DNAH12: variants seen among roughly 807,000 people sequenced by gnomAD.
The protein encoded by DNAH12 is axonemal beta dynein heavy chain 12.
A neutral mutation model predicts 371.5 loss-of-function variants in DNAH12; 285 were observed. That is an observed-to-expected ratio of 0.77 (90% CI 0.70 to 0.85). The LOEUF is 0.85. DNAH12 is among the 40% of genes least tolerant of loss of function. DNAH12 has a pLI of 0.00. For synonymous variants in DNAH12, 1,200 were observed against 1,213.0 expected (o/e 0.99, Z 0.22); for missense variants, 3,611 against 3,689.4 (o/e 0.98, Z 0.55).
chr3:57,338,106 G>A (rs893512260), intron 60 of DNAH12, among the ~76,000 whole-genome samples: 5 of 152,244 alleles, frequency 3.3e-5, no homozygotes, highest in South Asian at 2.1e-4. Flanking sequence ...TCCCTGCCTC[G>A]GGCTCCCGTG....
At chr3:57,518,695 A>G (rs541962265) in intron 4 of DNAH12, among the ~76,000 whole-genome samples, 44 of 152,296 alleles carry the variant, frequency 2.9e-4, no homozygotes, top group African/African-American at 9.6e-4. Flanking sequence ...TAGTTGGGGA[A>G]GGGGAACAAG....
At chr3:57,296,545 T>C (rs776816235) in intron 71 of DNAH12, 110 bp from the exon 72 acceptor site, 22 of 856,134 alleles carry the variant, frequency 2.6e-5, no homozygotes, top group Admixed American at 2.0e-4. Context: ...TATTGTATAA[T>C]AGCTTGTTAA....
chr3:57,309,802 T>A lies in DNAH12; in HGVS notation c.10949A>T (p.Asp3650Val), dbSNP rs906947440. 1.0e-5 allele frequency: 16 copies of A among 1,551,262 alleles called. No individual in the cohort carries two copies. The highest frequency in any genetic ancestry group is 1.4e-5 in the Non-Finnish European group (16 of 1,146,846). Residue 3650 changes from aspartate (D) to valine (V), a missense_variant, in exon 68 of 74, where the codon GAC (aspartate) becomes GTC (valine). Transcript: ENST00000495027. ...PEIFGLHENV[D>V]ISKDLQQTKT... ...TGTTTGTTGAAGATCCTTGGAGATG[T>A]CAACGTTTTCATGTAATCCAAATAT...
chr3:57,457,619 TA>T, intron 22 of DNAH12, 101 bp downstream of exon 22: 1 of 1,271,108 alleles, frequency 7.9e-7, no homozygotes, highest in Non-Finnish European at 1.0e-6. Context: ...ATAAATGATT[TA>T]AAATAGTAAG....
At chr3:57,480,869 G>A (rs1416237950) in intron 13 of DNAH12, among the ~76,000 whole-genome samples, 4 of 152,186 alleles carry the variant, frequency 2.6e-5, no homozygotes, top group Admixed American at 6.5e-5. Context: ...AAATTCAACA[G>A]TGCTTCATGC....
At chr3:57,348,937 A>C (rs1018778936) in intron 60 of DNAH12, among the ~76,000 whole-genome samples, 1 of 152,222 alleles carries the variant, frequency 6.6e-6, no homozygotes, top group Non-Finnish European at 1.5e-5. Flanking sequence ...CTTGTGTAAA[A>C]GAACAACAAA....
chr3:57,446,455 C>T, intron 26 of DNAH12, 82 bp downstream of exon 26: 1 of 1,452,092 alleles, frequency 6.9e-7, no homozygotes, highest in Non-Finnish European at 9.1e-7. Flanking sequence ...CATGTTTAAA[C>T]ATGAGTTTGC....
chr3:57,536,638 A>G (rs753122947), intron 2 of DNAH12, among the ~76,000 whole-genome samples: 5 of 151,890 alleles, frequency 3.3e-5, no homozygotes, highest in Non-Finnish European at 5.9e-5. Flanking sequence ...TTCATCCATC[A>G]TTTCTCCCTA....
chr3:57,294,023 T>C lies in DNAH12; in HGVS notation c.11693-52A>G. ...ACTTGATAAAGGGAAAAACAGCCAT[T>C]GGTACGAAAAGAACTATTTATCTTG... On this transcript the variant is annotated intron_variant, in intron 73 of 73. Coordinates refer to ENST00000495027, the MANE Select transcript of DNAH12 (RefSeq NM_001366028.2). 2.9e-6 allele frequency: 4 copies of C among 1,387,860 alleles called. No homozygotes were observed. The South Asian group carries it at 5.1e-5, about 18-fold the overall frequency. 86.0% of individuals were successfully genotyped at this position (1,387,860 alleles called of 1,614,324 possible).
intron 62 of DNAH12, among the ~76,000 whole-genome samples, chr3:57,329,805 C>G (rs2062047731): frequency 6.9e-6 from 1 of 144,380 alleles, no homozygotes; most frequent in Non-Finnish European, 1.5e-5. Context: ...ATTTTCGCAA[C>G]CTACTTATCT....
chr3:57,323,024 T>C lies in DNAH12; in HGVS notation c.10366A>G (p.Ser3456Gly). The change falls in exon 64 of 74, where the codon AGC becomes GGC. Residue 3456 changes from serine (S) to glycine (G), a missense_variant. Ser to Gly is a moderately conservative substitution (Grantham distance 56). Around this residue, in one of 3 missense-constraint regions of DNAH12, gnomAD observed 2,266 missense variants for 2,236.9 expected, o/e 1.01. Coordinates refer to ENST00000495027, the MANE Select transcript of DNAH12 (RefSeq NM_001366028.2). ...AAACATACTTTTGAAGATGGATAGCTTGTCAGCCAAAGCCTAAAGGATGAG... is the reference window on the plus strand; with the variant it reads ...AAACATACTTTTGAAGATGGATAGCCTGTCAGCCAAAGCCTAAAGGATGAG... ...CNSSFRLWLT[S>G]YPSSKFPVTI... 6.4e-7 allele frequency: 1 copy of C among 1,552,124 alleles called. No individual in the cohort carries two copies. The highest frequency in any genetic ancestry group is 8.7e-7 in the Non-Finnish European group (1 of 1,147,090).
Position 57,411,212 on chromosome 3 carries a change from C to A in DNAH12, c.6020+2534G>T, listed in dbSNP as rs148294703. ...CACCTTTTTACATACCAGTAATAAA[C>A]AAGTGGAATTTGAAATTAAAAGTAC... is the stretch of plus-strand genomic sequence containing the variant. On this transcript the variant is annotated intron_variant, in intron 39 of 73. Transcript: ENST00000495027. Among the ~76,000 whole-genome samples the A allele has an allele frequency of 6.5e-3, 984 of 152,090 alleles. 13 individuals carry two copies. The highest frequency in any genetic ancestry group is 0.023 in the African/African-American group (941 of 41,510).
intron 64 of DNAH12, 84 bp from the exon 65 acceptor site, chr3:57,322,567 G>T: frequency 7.2e-7 from 1 of 1,382,424 alleles, no homozygotes; most frequent in Non-Finnish European, 9.6e-7. Flanking sequence ...TAAAAAACAG[G>T]CATAATGGAG....
chr3:57,535,491 T>A (rs2069001172), intron 2 of DNAH12, among the ~76,000 whole-genome samples: 1 of 152,214 alleles, frequency 6.6e-6, no homozygotes, highest in Admixed American at 6.5e-5. Context: ...AACTTCCCAG[T>A]CTCTAGAACT....
intron 62 of DNAH12, among the ~76,000 whole-genome samples, chr3:57,330,897 A>G (rs2062080192): frequency 6.6e-6 from 1 of 152,090 alleles, no homozygotes; most frequent in Non-Finnish European, 1.5e-5. Context: ...CAGAAAATCA[A>G]TCAATCAATC....
At chr3:57,321,113 A>G (rs1304142185) in intron 65 of DNAH12, among the ~76,000 whole-genome samples, 1 of 152,198 alleles carries the variant, frequency 6.6e-6, no homozygotes, top group Non-Finnish European at 1.5e-5. Context: ...TGAGCTTAGA[A>G]TCTTTCAAAA....
At chr3:57,466,591 C>T (rs1288270063) in intron 17 of DNAH12, among the ~76,000 whole-genome samples, 2 of 152,032 alleles carry the variant, frequency 1.3e-5, no homozygotes, top group Non-Finnish European at 2.9e-5. Flanking sequence ...ATGAGAGGAC[C>T]GAGGCACAAG....
At chr3:57,525,070 G>T (rs899767712) in intron 2 of DNAH12, among the ~76,000 whole-genome samples, 8 of 151,356 alleles carry the variant, frequency 5.3e-5, no homozygotes, top group South Asian at 2.1e-4. Context: ...AGAAAAAATT[G>T]TAGGGTGTCA....
chr3:57,463,294 T>C (rs2066109474), intron 17 of DNAH12, among the ~76,000 whole-genome samples: 1 of 149,968 alleles, frequency 6.7e-6, no homozygotes, highest in African/African-American at 2.4e-5. Context: ...AAAAAAAAAG[T>C]ATTATTTTAG....
Sources: gnomAD v4.1 joint callset for allele counts (sites outside exome capture counted in the v4.1 genomes callset) on GRCh38, gnomAD v4.1.1 for gene constraint, gnomAD v4.1.1 regional missense constraint, MANE v1.5 for transcripts, NCBI Gene and HGNC (gene_info 2026-07-23, HGNC 2026-07-21) for gene names.